Variants in ARMC3 observed in about 807,000 individuals in gnomAD.
The protein encoded by ARMC3 is armadillo repeat-containing protein 3.
Under a neutral mutation model 90.3 loss-of-function variants are expected in ARMC3, and 74 were observed. The ratio of observed to expected loss-of-function variants is 0.82; its 90% CI spans 0.68 to 0.99. The LOEUF is 0.99. Among genes scored for constraint, ARMC3 ranks in the 50% least tolerant of loss-of-function variants. The probability of loss-of-function intolerance (pLI) is 0.00; values close to 1 mark genes in which losing one functional copy is unlikely to be tolerated. For missense variants in ARMC3, 958 were observed against 1,042.8 expected (o/e 0.92, Z 1.12); for synonymous variants, 334 against 361.8 (o/e 0.92, Z 0.87).
At chr10:22,928,784 A>G (rs1833811778) in intron 1 of ARMC3, among the ~76,000 whole-genome samples, 1 of 152,254 alleles carries the variant, frequency 6.6e-6, no homozygotes, top group Non-Finnish European at 1.5e-5. Flanking sequence ...ATGTTATGCT[A>G]ATCCACTGGA....
chr10:22,990,351 G>C (rs1231454285), intron 10 of ARMC3, among the ~76,000 whole-genome samples: 1 of 152,190 alleles, frequency 6.6e-6, no homozygotes, highest in Non-Finnish European at 1.5e-5. Context: ...CCCAGCTCTA[G>C]CTCTGCAGGT....
chr10:23,033,122 A>T (rs1838983381), intron 18 of ARMC3, 99 bp downstream of exon 18: 3 of 1,156,660 alleles, frequency 2.6e-6, no homozygotes, highest in East Asian at 5.0e-5. Flanking sequence ...GGATATTATT[A>T]ATTCTACCAT....
At chr10:22,999,322 C>A (rs570352107) in intron 11 of ARMC3, among the ~76,000 whole-genome samples, 1 of 152,138 alleles carries the variant, frequency 6.6e-6, no homozygotes, top group Non-Finnish European at 1.5e-5. Flanking sequence ...TGGAGGCAGG[C>A]GGATTGCTTG....
chr10:22,952,232 T>C (rs1369988786), intron 3 of ARMC3, among the ~76,000 whole-genome samples: 1 of 151,652 alleles, frequency 6.6e-6, no homozygotes, highest in African/African-American at 2.4e-5. Context: ...ACAAAAAAAT[T>C]GATGAGCCAT....
chr10:22,973,805 C>T (rs1393061170), intron 8 of ARMC3, among the ~76,000 whole-genome samples: 2 of 131,342 alleles, frequency 1.5e-5, no homozygotes, highest in East Asian at 2.2e-4. Flanking sequence ...GTCACCCAGG[C>T]TGGAGTGCAG....
chr10:22,991,776 G>C (rs148360845), intron 10 of ARMC3, among the ~76,000 whole-genome samples: 73 of 152,298 alleles, frequency 4.8e-4, no homozygotes, highest in African/African-American at 1.7e-3. Context: ...GAATAAACCA[G>C]TCCTGGCAAG....
chr10:23,021,160 T>G (rs1198953231), intron 16 of ARMC3, among the ~76,000 whole-genome samples: 1 of 152,244 alleles, frequency 6.6e-6, no homozygotes, highest in Non-Finnish European at 1.5e-5. Context: ...TTTTTATGGC[T>G]GTATCGTATT....
At chr10:22,963,113 T>A (rs1434209061) in intron 7 of ARMC3, among the ~76,000 whole-genome samples, 1 of 152,146 alleles carries the variant, frequency 6.6e-6, no homozygotes, top group Non-Finnish European at 1.5e-5. Context: ...CTATCTGATA[T>A]TTTACCTGTC....
chr10:22,982,430 A>G (rs1469365667), intron 10 of ARMC3, among the ~76,000 whole-genome samples: 1 of 152,242 alleles, frequency 6.6e-6, no homozygotes, highest in Non-Finnish European at 1.5e-5. Flanking sequence ...TACTGTGAAG[A>G]AAAGTTAAGG....
intron 10 of ARMC3, among the ~76,000 whole-genome samples, chr10:22,992,255 T>C (rs909300624): frequency 5.9e-5 from 9 of 152,216 alleles, no homozygotes; most frequent in Admixed American, 4.6e-4. Flanking sequence ...GTGGAAGTGC[T>C]GGGGTAGCAC....
chr10:23,034,438 C>T (rs1366296631), intron 18 of ARMC3, among the ~76,000 whole-genome samples: 2 of 151,950 alleles, frequency 1.3e-5, no homozygotes, highest in African/African-American at 4.8e-5. Context: ...AAATGACTAC[C>T]CTTGATTTAA....
chr10:23,014,775 G>GA (rs1377858993), intron 16 of ARMC3, among the ~76,000 whole-genome samples: 1 of 149,454 alleles, frequency 6.7e-6, no homozygotes, highest in African/African-American at 2.5e-5. Context: ...CCATAGAGGG[G>GA]AACAACAACA....
intron 3 of ARMC3, among the ~76,000 whole-genome samples, chr10:22,952,113 G>T (rs1213969611): frequency 2.0e-5 from 3 of 151,922 alleles, no homozygotes; most frequent in African/African-American, 7.3e-5. Flanking sequence ...GACAGAGTGA[G>T]ACTCCATCTC....
chr10:23,004,794 T>A (rs866383919), intron 13 of ARMC3, among the ~76,000 whole-genome samples: 1 of 152,036 alleles, frequency 6.6e-6, no homozygotes, highest in East Asian at 1.9e-4. Flanking sequence ...CTCCCCCACC[T>A]CCTGCCACCA....
chr10:23,009,076 G>T (rs1837791016), intron 16 of ARMC3, 145 bp downstream of exon 16: 2 of 677,126 alleles, frequency 3.0e-6, no homozygotes, highest in Admixed American at 3.0e-5. Context: ...CTTGATTTTT[G>T]TCTCTTACCA....
intron 7 of ARMC3, among the ~76,000 whole-genome samples, chr10:22,964,775 A>G (rs1835376012): frequency 2.7e-5 from 4 of 149,802 alleles, no homozygotes. Flanking sequence ...TTAGTGTTAC[A>G]TTTTAATTCG....
chr10:22,978,525 C>A (rs573980630), intron 8 of ARMC3, among the ~76,000 whole-genome samples: 14 of 152,316 alleles, frequency 9.2e-5, no homozygotes, highest in African/African-American at 3.1e-4. Flanking sequence ...TGTTTGGGGA[C>A]ACAGCCAAAC....
intron 16 of ARMC3, among the ~76,000 whole-genome samples, chr10:23,020,286 C>T (rs1564401142): frequency 2.0e-5 from 3 of 152,264 alleles, no homozygotes; most frequent in Middle Eastern, 3.4e-3. Context: ...TGCCACCACA[C>T]CCAGCTAATT....
chr10:22,940,349 A>G (rs1237863425), intron 2 of ARMC3, among the ~76,000 whole-genome samples: 1 of 152,256 alleles, frequency 6.6e-6, no homozygotes, highest in Non-Finnish European at 1.5e-5. Flanking sequence ...ATCAATACCT[A>G]TATGCTGAAA....
Sources: gnomAD v4.1 joint callset for allele counts (sites outside exome capture counted in the v4.1 genomes callset) on GRCh38, gnomAD v4.1.1 for gene constraint, MANE v1.5 for transcripts, NCBI Gene and HGNC (gene_info 2026-07-23, HGNC 2026-07-21) for gene names.